WDR7: variants seen among roughly 807,000 people sequenced by gnomAD.
The protein encoded by WDR7 is WD repeat-containing protein 7.
Under a neutral mutation model 169.4 loss-of-function variants are expected in WDR7, and 46 were observed. The observed-to-expected ratio is 0.27, with a 90% CI of 0.21 to 0.35. The LOEUF is 0.35. Ranked by LOEUF, WDR7 falls within the 10% of genes least tolerant of loss-of-function variation. The probability of loss-of-function intolerance (pLI) is 1.00; values close to 1 mark genes in which losing one functional copy is unlikely to be tolerated. For synonymous variants in WDR7, 612 were observed against 666.8 expected (o/e 0.92, Z 1.27); for missense variants, 1,534 against 1,859.3 (o/e 0.83, Z 3.22).
intron 26 of WDR7, among the ~76,000 whole-genome samples, chr18:56,971,282 A>C (rs75563796): frequency 4.4e-5 from 5 of 113,706 alleles, no homozygotes; most frequent in African/African-American, 7.8e-5. Flanking sequence ...TCTGTCTCCC[A>C]AAAAAAAAAA....
intron 20 of WDR7, among the ~76,000 whole-genome samples, chr18:56,817,995 G>A (rs111850957): frequency 0.12 from 18,499 of 152,008 alleles, 1,652 homozygotes; most frequent in African/African-American, 0.25. Flanking sequence ...CACCTGCCTC[G>A]GTCTCCCAAA....
intron 22 of WDR7, among the ~76,000 whole-genome samples, chr18:56,935,163 A>G (rs943131836): frequency 1.3e-5 from 2 of 152,164 alleles, no homozygotes; most frequent in African/African-American, 4.8e-5. Flanking sequence ...TCTTTATATA[A>G]ACAGAATTAG....
At chr18:56,938,032 G>C (rs1192990135) in intron 23 of WDR7, among the ~76,000 whole-genome samples, 1 of 152,130 alleles carries the variant, frequency 6.6e-6, no homozygotes, top group Non-Finnish European at 1.5e-5. Context: ...CTTCATCCTT[G>C]TCATCTCCAC....
chr18:56,749,341 A>G (rs1451508336), intron 14 of WDR7, among the ~76,000 whole-genome samples: 1 of 151,482 alleles, frequency 6.6e-6, no homozygotes, highest in Non-Finnish European at 1.5e-5. Flanking sequence ...TTTGTTTTCC[A>G]TTTCAAGACT....
intron 22 of WDR7, among the ~76,000 whole-genome samples, chr18:56,925,619 G>A (rs1014432781): frequency 6.6e-6 from 1 of 151,982 alleles, no homozygotes; most frequent in African/African-American, 2.4e-5. Context: ...ATTCCCTTAA[G>A]TTCTGGCATG....
chr18:56,950,924 T>G (rs1304112398), intron 25 of WDR7, among the ~76,000 whole-genome samples: 1 of 152,212 alleles, frequency 6.6e-6, no homozygotes, highest in Non-Finnish European at 1.5e-5. Context: ...CTTAAATGTG[T>G]CAGGCTTGCA....
chr18:56,726,285 C>G (rs2026452773), intron 13 of WDR7, among the ~76,000 whole-genome samples: 1 of 152,172 alleles, frequency 6.6e-6, no homozygotes, highest in African/African-American at 2.4e-5. Context: ...TATCTATGAG[C>G]ATGGAATGTT....
At chr18:56,936,127 C>A in intron 23 of WDR7, 1 of 460,176 alleles carries the variant, frequency 2.2e-6, no homozygotes, top group Non-Finnish European at 3.8e-6. Flanking sequence ...TTTCTGTTCT[C>A]AAAGTTAATT....
At chr18:56,742,589 A>G (rs1457853618) in intron 14 of WDR7, among the ~76,000 whole-genome samples, 1 of 152,216 alleles carries the variant, frequency 6.6e-6, no homozygotes, top group East Asian at 1.9e-4. Flanking sequence ...GTCCTGGGGA[A>G]CCAAATGAAT....
At chr18:56,728,350 C>T (rs966326812) in intron 13 of WDR7, among the ~76,000 whole-genome samples, 1 of 152,204 alleles carries the variant, frequency 6.6e-6, no homozygotes, top group African/African-American at 2.4e-5. Flanking sequence ...CTATTTTATA[C>T]AACAGATTAC....
intron 26 of WDR7, among the ~76,000 whole-genome samples, chr18:56,997,214 C>T (rs147730238): frequency 6.6e-6 from 1 of 152,190 alleles, no homozygotes; most frequent in Non-Finnish European, 1.5e-5. Flanking sequence ...CTTCTCCATG[C>T]TCCCTGGCAG....
chr18:56,960,894 A>G (rs889724844), intron 25 of WDR7, among the ~76,000 whole-genome samples: 1 of 152,002 alleles, frequency 6.6e-6, no homozygotes, highest in Non-Finnish European at 1.5e-5. Context: ...TCTCAAACCA[A>G]TGTACAAAGA....
At chr18:56,820,154 T>C (rs1263197054) in intron 20 of WDR7, among the ~76,000 whole-genome samples, 1 of 151,816 alleles carries the variant, frequency 6.6e-6, no homozygotes, top group African/African-American at 2.4e-5. Flanking sequence ...AAAAACAACC[T>C]CACCTTAATT....
At chr18:56,926,555 G>C (rs1357935747) in intron 22 of WDR7, among the ~76,000 whole-genome samples, 1 of 152,130 alleles carries the variant, frequency 6.6e-6, no homozygotes, top group Non-Finnish European at 1.5e-5. Flanking sequence ...CATTAGGCTT[G>C]TACCAGCAAG....
chr18:56,830,455 G>A (rs1418897037), intron 20 of WDR7, among the ~76,000 whole-genome samples: 1 of 152,110 alleles, frequency 6.6e-6, no homozygotes, highest in African/African-American at 2.4e-5. Flanking sequence ...AATTGACTTA[G>A]GAATTAGGGA....
chr18:56,980,392 T>C (rs2047624764), intron 26 of WDR7, among the ~76,000 whole-genome samples: 1 of 152,108 alleles, frequency 6.6e-6, no homozygotes, highest in African/African-American at 2.4e-5. Flanking sequence ...CCAAGACATA[T>C]GGAGTGTGAT....
intron 19 of WDR7, among the ~76,000 whole-genome samples, chr18:56,807,266 C>A (rs918218253): frequency 6.6e-6 from 1 of 151,854 alleles, no homozygotes; most frequent in Non-Finnish European, 1.5e-5. Context: ...GTTTCTAAAT[C>A]AGCCAGAGGT....
At chr18:56,723,985 T>A (rs1045884152) in intron 13 of WDR7, among the ~76,000 whole-genome samples, 1 of 151,938 alleles carries the variant, frequency 6.6e-6, no homozygotes, top group Non-Finnish European at 1.5e-5. Context: ...AGTATATTTT[T>A]CATCCCAAAC....
rs1372422698 is a variant in WDR7, at chr18:57,027,145, A to T, written c.4411A>T (p.Thr1471Ser). ...CCTCAAGCTGGCCCGGCTCATCTGG[A>T]CTTCCAACCGCAACGTCATCCTCAT... is the stretch of plus-strand genomic sequence containing the variant. ...NALKLARLIWTSNRNVILMAH... is the reference protein window; with the variant it reads ...NALKLARLIWSSNRNVILMAH... Residue 1471 changes from threonine to serine, a missense_variant, in exon 28 of 28, where the codon ACT becomes TCT. Transcript: ENST00000254442. The T allele has an allele frequency of 1.2e-6, 2 of 1,614,034 alleles. No individual in the cohort carries two copies. Among genetic ancestry groups the T allele is most frequent in the Admixed American group, 3.3e-5 (2 of 59,998 alleles).
Sources: allele counts gnomAD v4.1 joint callset (sites outside exome capture counted in the v4.1 genomes callset), GRCh38; gene constraint gnomAD v4.1.1; transcripts MANE v1.5; gene names NCBI Gene and HGNC (gene_info 2026-07-23, HGNC 2026-07-21).